Variants in NPAS3 observed in about 807,000 individuals in gnomAD.
NPAS3 encodes neuronal PAS domain-containing protein 3.
Under a neutral mutation model 73.1 loss-of-function variants are expected in NPAS3, and 14 were observed. The ratio of observed to expected loss-of-function variants is 0.19; its 90% confidence interval spans 0.13 to 0.30. NPAS3 has a LOEUF of 0.30. NPAS3 is among the 10% of genes least tolerant of loss of function. The probability of loss-of-function intolerance (pLI) is 1.00; values close to 1 mark genes in which losing one functional copy is unlikely to be tolerated. For missense variants in NPAS3, 1,096 were observed against 1,250.0 expected (o/e 0.88, Z 1.86); for synonymous variants, 620 against 541.5 (o/e 1.14, Z -2.01).
chr14:33,150,774 C>A (rs2044416675), intron 2 of NPAS3, among the ~76,000 whole-genome samples: 1 of 152,148 alleles, frequency 6.6e-6, no homozygotes, highest in Admixed American at 6.5e-5. Context: ...TGTCTCTGAT[C>A]TCATGAGTTT....
intron 4 of NPAS3, among the ~76,000 whole-genome samples, chr14:33,392,351 G>C (rs1296321811): frequency 6.6e-6 from 1 of 152,084 alleles, no homozygotes; most frequent in East Asian, 1.9e-4. Context: ...CAATGAAATA[G>C]CTATTAGTAT....
chr14:33,714,695 T>C (rs1218109860), intron 6 of NPAS3, among the ~76,000 whole-genome samples: 1 of 152,160 alleles, frequency 6.6e-6, no homozygotes, highest in Non-Finnish European at 1.5e-5. Context: ...TCATGAAAAA[T>C]ACCTTACGTC....
At chr14:33,568,097 T>C (rs2056050990) in intron 5 of NPAS3, among the ~76,000 whole-genome samples, 1 of 152,170 alleles carries the variant, frequency 6.6e-6, no homozygotes, top group African/African-American at 2.4e-5. Flanking sequence ...ATTCTTCATT[T>C]TATAGTTGAA....
upstream of NPAS3, among the ~76,000 whole-genome samples, chr14:32,937,661 T>C (rs1288558581): frequency 1.3e-5 from 2 of 152,224 alleles, no homozygotes; most frequent in Admixed American, 1.3e-4. Context: ...CCAGCCCTAC[T>C]TTACTGGAGT....
intron 9 of NPAS3, among the ~76,000 whole-genome samples, chr14:33,789,315 T>C (rs2063276195): frequency 6.6e-6 from 1 of 152,156 alleles, no homozygotes; most frequent in Non-Finnish European, 1.5e-5. Flanking sequence ...GAGGGTGGGA[T>C]GGTGCCAACA....
intron 4 of NPAS3, among the ~76,000 whole-genome samples, chr14:33,471,325 A>G (rs2050772009): frequency 6.6e-6 from 1 of 152,206 alleles, no homozygotes; most frequent in Non-Finnish European, 1.5e-5. Context: ...TTTGCCAACC[A>G]TATGATTTTC....
intron 3 of NPAS3, among the ~76,000 whole-genome samples, chr14:33,309,498 T>C (rs998258508): frequency 2.0e-5 from 3 of 152,130 alleles, no homozygotes; most frequent in Non-Finnish European, 4.4e-5. Context: ...GCGTTGTCAG[T>C]GGATGTGTGA....
At chr14:33,674,604 G>T in intron 5 of NPAS3, among the ~76,000 whole-genome samples, 1 of 152,134 alleles carries the variant, frequency 6.6e-6, no homozygotes, top group East Asian at 1.9e-4. Context: ...TGTGAATCCC[G>T]ATTTACGCTC....
At chr14:33,149,998 C>A (rs748248124) in intron 2 of NPAS3, among the ~76,000 whole-genome samples, 1 of 152,100 alleles carries the variant, frequency 6.6e-6, no homozygotes, top group East Asian at 1.9e-4. Context: ...TGTGTGTTTT[C>A]ATTGTTCAAC....
chr14:33,594,095 C>T (rs2057159648), intron 5 of NPAS3, among the ~76,000 whole-genome samples: 1 of 152,172 alleles, frequency 6.6e-6, no homozygotes, highest in African/African-American at 2.4e-5. Flanking sequence ...ATACAGTCAT[C>T]CCTCAGTATT....
chr14:33,008,298 A>G (rs2039071183), intron 1 of NPAS3, among the ~76,000 whole-genome samples: 1 of 152,230 alleles, frequency 6.6e-6, no homozygotes, highest in South Asian at 2.1e-4. Context: ...CTATTTCTTG[A>G]GGGATAAAAA....
chr14:32,996,265 A>G (rs1229081153), intron 1 of NPAS3, among the ~76,000 whole-genome samples: 1 of 152,214 alleles, frequency 6.6e-6, no homozygotes, highest in Non-Finnish European at 1.5e-5. Context: ...TTTTAAATGC[A>G]TTCAGTTTTA....
At chr14:33,381,483 T>A (rs1426411951) in intron 4 of NPAS3, among the ~76,000 whole-genome samples, 2 of 152,204 alleles carry the variant, frequency 1.3e-5, no homozygotes, top group Non-Finnish European at 2.9e-5. Context: ...GACTGATTGG[T>A]AACTAATTGC....
intron 3 of NPAS3, among the ~76,000 whole-genome samples, chr14:33,302,982 C>G (rs535921301): frequency 3.3e-5 from 5 of 151,884 alleles, no homozygotes; most frequent in African/African-American, 1.2e-4. Flanking sequence ...GCATTTGTGG[C>G]CTTGATCAAG....
chr14:33,266,961 C>T (rs141834910), intron 3 of NPAS3, among the ~76,000 whole-genome samples: 4 of 152,144 alleles, frequency 2.6e-5, no homozygotes, highest in Non-Finnish European at 4.4e-5. Flanking sequence ...CCAAAAGAGA[C>T]ACATTTGGAA....
intron 5 of NPAS3, among the ~76,000 whole-genome samples, chr14:33,569,622 A>C (rs534950392): frequency 2.2e-4 from 34 of 152,278 alleles, no homozygotes; most frequent in Admixed American, 1.9e-3. Context: ...TGGAAACAAA[A>C]AAAAAAATTG....
chr14:33,525,005 T>C (rs2053732788), intron 4 of NPAS3, among the ~76,000 whole-genome samples: 1 of 152,206 alleles, frequency 6.6e-6, no homozygotes, highest in African/African-American at 2.4e-5. Context: ...TGGGGGTTAG[T>C]ACTTTAACAT....
At chr14:33,146,268 G>A (rs2044234008) in intron 2 of NPAS3, among the ~76,000 whole-genome samples, 1 of 152,130 alleles carries the variant, frequency 6.6e-6, no homozygotes, top group Admixed American at 6.5e-5. Flanking sequence ...GGAAGCATGA[G>A]CTTCAGAGTG....
At chr14:33,621,543 A>T (rs1028621833) in intron 5 of NPAS3, among the ~76,000 whole-genome samples, 1 of 152,188 alleles carries the variant, frequency 6.6e-6, no homozygotes, top group African/African-American at 2.4e-5. Context: ...AACTATCTCC[A>T]TACCCCCACT....
Sources: allele counts gnomAD v4.1 joint callset (sites outside exome capture counted in the v4.1 genomes callset), GRCh38; gene constraint gnomAD v4.1.1; transcripts MANE v1.5; gene names NCBI Gene and HGNC (gene_info 2026-07-23, HGNC 2026-07-21).